Variants in INPP5F observed in about 807,000 individuals in gnomAD.
INPP5F encodes the protein phosphatidylinositide 4-phosphatase SAC2.
A neutral mutation model predicts 137.2 loss-of-function variants in INPP5F; 97 were observed. The observed-to-expected ratio is 0.71, with a 90% CI of 0.60 to 0.84. The LOEUF is 0.84. INPP5F is among the 40% of genes least tolerant of loss of function. The probability of loss-of-function intolerance (pLI) is 0.00; values close to 1 mark genes in which losing one functional copy is unlikely to be tolerated. For synonymous variants in INPP5F, 504 were observed against 476.9 expected (o/e 1.06, Z -0.74); for missense variants, 1,271 against 1,371.9 (o/e 0.93, Z 1.16).
At chr10:119,800,473 T>C (rs778743744) in intron 9 of INPP5F, among the ~76,000 whole-genome samples, 3 of 150,278 alleles carry the variant, frequency 2.0e-5, no homozygotes, top group Non-Finnish European at 4.4e-5. Context: ...GGCAGGAGAA[T>C]TGCTTGAACC....
chr10:119,800,601 A>C (rs1427921500), intron 9 of INPP5F, among the ~76,000 whole-genome samples: 1 of 151,918 alleles, frequency 6.6e-6, no homozygotes, highest in Non-Finnish European at 1.5e-5. Flanking sequence ...TTTATTCAAA[A>C]GGATGTACAA....
intron 2 of INPP5F, among the ~76,000 whole-genome samples, chr10:119,781,136 C>G (rs1350018241): frequency 6.6e-6 from 1 of 152,140 alleles, no homozygotes; most frequent in Non-Finnish European, 1.5e-5. Context: ...TAGGCTGTTT[C>G]CAGTGTTTAT....
At chr10:119,797,095 GAGTT>G (rs1850411994) in intron 7 of INPP5F, among the ~76,000 whole-genome samples, 182 bp downstream of exon 7, 4 of 152,282 alleles carry the variant, frequency 2.6e-5, no homozygotes, top group Admixed American at 6.5e-5. Context: ...GAATAAGAGA[GAGTT>G]AGCAAAATGA....
chr10:119,798,710 C>A, intron 9 of INPP5F, 100 bp downstream of exon 9: 1 of 655,012 alleles, frequency 1.5e-6, no homozygotes, highest in Non-Finnish European at 2.4e-6. Flanking sequence ...AAAATTAAAG[C>A]ATTTGTCATG....
At chr10:119,820,163 T>C (rs1851497779) in intron 15 of INPP5F, among the ~76,000 whole-genome samples, 1 of 152,240 alleles carries the variant, frequency 6.6e-6, no homozygotes, top group African/African-American at 2.4e-5. Flanking sequence ...TATTGGTAAT[T>C]TTACAAGGAT....
intron 2 of INPP5F, among the ~76,000 whole-genome samples, chr10:119,766,323 C>T (rs1849164065): frequency 6.6e-6 from 1 of 152,190 alleles, no homozygotes; most frequent in Non-Finnish European, 1.5e-5. Flanking sequence ...TACTAGCAAT[C>T]TGGGCATCCC....
intron 8 of INPP5F, 126 bp from the exon 9 acceptor site, chr10:119,798,416 GT>G: frequency 1.6e-6 from 1 of 627,388 alleles, no homozygotes; most frequent in South Asian, 2.4e-5. Context: ...TTAAATGATG[GT>G]TTTAGACAAT....
chr10:119,735,585 A>G (rs182550916), intron 1 of INPP5F, among the ~76,000 whole-genome samples: 26 of 152,344 alleles, frequency 1.7e-4, no homozygotes, highest in African/African-American at 5.5e-4. Flanking sequence ...TATGCCAGAT[A>G]TAAACATTCT....
chr10:119,802,267 A>G (rs1377733169), intron 9 of INPP5F, among the ~76,000 whole-genome samples: 1 of 152,260 alleles, frequency 6.6e-6, no homozygotes, highest in East Asian at 1.9e-4. Flanking sequence ...AACCAGCCTC[A>G]GGATCAGCCG....
chr10:119,761,494 C>T (rs1800534958), intron 2 of INPP5F, among the ~76,000 whole-genome samples: 1 of 151,934 alleles, frequency 6.6e-6, no homozygotes, highest in African/African-American at 2.4e-5. Context: ...TTTCCATTTA[C>T]TTGATGTGTG....
intron 1 of INPP5F, among the ~76,000 whole-genome samples, chr10:119,731,822 A>G (rs1848076886): frequency 6.6e-6 from 1 of 152,146 alleles, no homozygotes; most frequent in African/African-American, 2.4e-5. Context: ...CAGTTTTTAT[A>G]ATGGGTTACT....
At position 119,787,641 on chromosome 10, in the gene INPP5F, G is replaced by A. The variant is rs915388723; in HGVS notation, c.316-3876G>A. 2.6e-5 allele frequency among the ~76,000 whole-genome samples: 4 copies of A among 151,652 alleles called. No homozygotes were observed. The highest frequency in any genetic ancestry group is 3.4e-3 in the Middle Eastern group (1 of 294). On this transcript the variant is annotated intron_variant, in intron 3 of 19. Coordinates refer to ENST00000650623, the MANE Select transcript of INPP5F (RefSeq NM_014937.4). The surrounding 1 kb of genome is among the most constrained non-coding windows in gnomAD (Gnocchi z 4.1). ...AGGAAAGGGAAGGGGGAGGGGAAGG[G>A]GAGGAGGAAGGGAGGAAGGCAGGCA...
chr10:119,727,961 G>T (rs1247382707), intron 1 of INPP5F, among the ~76,000 whole-genome samples: 1 of 152,184 alleles, frequency 6.6e-6, no homozygotes, highest in Non-Finnish European at 1.5e-5. Flanking sequence ...TATTAGAACT[G>T]GATGGGACTT....
chr10:119,760,405 A>G (rs891456405), intron 2 of INPP5F, among the ~76,000 whole-genome samples: 3 of 152,150 alleles, frequency 2.0e-5, no homozygotes, highest in Non-Finnish European at 2.9e-5. Flanking sequence ...ATGCCTGTGA[A>G]TAGACACTGC....
intron 9 of INPP5F, among the ~76,000 whole-genome samples, 176 bp downstream of exon 9, chr10:119,798,786 C>CT (rs374141329): frequency 0.19 from 18,874 of 100,588 alleles, 2,372 homozygotes; most frequent in Non-Finnish European, 0.26. Flanking sequence ...GAGTCAGCTA[C>CT]TTTTTTTTTT....
chr10:119,819,647 T>C (rs1851470749), intron 15 of INPP5F: 1 of 809,514 alleles, frequency 1.2e-6, no homozygotes, highest in Non-Finnish European at 1.8e-6. Flanking sequence ...TGGTTAATGC[T>C]CAGATTTTGG....
At chr10:119,749,191 C>T (rs1360367976) in intron 1 of INPP5F, among the ~76,000 whole-genome samples, 1 of 152,150 alleles carries the variant, frequency 6.6e-6, no homozygotes. Flanking sequence ...AGAGGGTCTT[C>T]CCGGGTAGCT....
intron 3 of INPP5F, among the ~76,000 whole-genome samples, chr10:119,788,353 C>T (rs907578193): frequency 1.2e-4 from 18 of 152,092 alleles, no homozygotes; most frequent in East Asian, 3.9e-4. Flanking sequence ...AGCATGAAGA[C>T]GGAGAAGAGA....
chr10:119,823,143 G>A lies in INPP5F; in HGVS notation c.2105G>A (p.Ser702Asn). 1 of 1,614,146 alleles carries A rather than the reference G, an allele frequency of 6.2e-7. No homozygotes were observed. The highest frequency in any genetic ancestry group is 8.5e-7 in the Non-Finnish European group (1 of 1,179,986). The change falls in exon 18 of 20, where the codon AGT (serine) becomes AAT (asparagine). Residue 702 changes from serine (S) to asparagine (N), a missense_variant. Physicochemically the swap from Ser to Asn is conservative, Grantham distance 46. Transcript: ENST00000650623. ...MRLHYRYKEA[S>N]GYFHTLRAVM... The stretch of plus-strand genomic sequence containing the variant: ...CTGCACTACAGATACAAAGAAGCGA[G>A]TGGCTATTTCCACACATTGCGAGCT...
Sources: gnomAD v4.1 joint callset for allele counts (sites outside exome capture counted in the v4.1 genomes callset) on GRCh38, gnomAD v4.1.1 for gene constraint, Gnocchi (gnomAD v3.1) non-coding constraint, MANE v1.5 for transcripts, NCBI Gene and HGNC (gene_info 2026-07-23, HGNC 2026-07-21) for gene names.